Variants in CHST9 observed in about 807,000 individuals in gnomAD.
CHST9 encodes carbohydrate sulfotransferase 9, also known as GalNAc-4-sulfotransferase 2.
A neutral mutation model predicts 44.4 loss-of-function variants in CHST9; 41 were observed. That is an observed-to-expected ratio of 0.92 (90% confidence interval 0.72 to 1.20). The LOEUF is 1.20. CHST9 is among the 50% of genes most tolerant of loss of function. The pLI is 0.00. For missense variants in CHST9, 504 were observed against 516.5 expected, an observed-to-expected ratio of 0.98 and a Z score of 0.23; for synonymous variants, 171 against 178.4, an observed-to-expected ratio of 0.96 and a Z score of 0.33.
At chr18:27,172,726 A>G (rs779928242) in intron 1 of CHST9, among the ~76,000 whole-genome samples, 10 of 152,116 alleles carry the variant, frequency 6.6e-5, no homozygotes, top group Non-Finnish European at 1.3e-4. Flanking sequence ...CTTTTTCAGA[A>G]ACTCGAAACT....
At chr18:26,980,896 G>A (rs1196175924) in intron 4 of CHST9, among the ~76,000 whole-genome samples, 1 of 152,168 alleles carries the variant, frequency 6.6e-6, no homozygotes, top group Non-Finnish European at 1.5e-5. Flanking sequence ...CTAAATCCCA[G>A]TGCAGAAAGA....
intron 2 of CHST9, among the ~76,000 whole-genome samples, chr18:27,108,635 T>G (rs1462292127): frequency 6.6e-6 from 1 of 152,182 alleles, no homozygotes; most frequent in Non-Finnish European, 1.5e-5. Flanking sequence ...ACCATCCTAT[T>G]TCACTTTTTA....
At chr18:27,059,425 G>T (rs1158011521) in intron 2 of CHST9, among the ~76,000 whole-genome samples, 1 of 152,058 alleles carries the variant, frequency 6.6e-6, no homozygotes, top group Admixed American at 6.6e-5. Context: ...TACTTCTAAA[G>T]GATCAATTAG....
chr18:26,996,359 G>A (rs758257658), intron 4 of CHST9, among the ~76,000 whole-genome samples: 2 of 152,134 alleles, frequency 1.3e-5, no homozygotes, highest in Non-Finnish European at 2.9e-5. Flanking sequence ...AACGTTGGAG[G>A]TGGGGCCTGG....
Position 26,913,580 on chromosome 18 carries a change from C to T in CHST9, c.*2679G>A, listed in dbSNP as rs2055471540. 1 of 152,204 alleles carries T rather than the reference C, an allele frequency of 6.6e-6. No homozygotes were observed. The highest frequency in any genetic ancestry group is 2.4e-5 in the African/African-American group (1 of 41,452). The allele number at this position is 152,204 out of a possible 1,614,324, so 9.4% of individuals were successfully genotyped here. A position where few individuals can be genotyped will look rare whatever the true frequency, so the allele number is the denominator to read the frequency against. ...AAGGGGTCTGCCCATTGTGTTACTGCTGCCTATAAAAACAAATAGGATCCT... is the reference window on the plus strand; with the variant it reads ...AAGGGGTCTGCCCATTGTGTTACTGTTGCCTATAAAAACAAATAGGATCCT... On this transcript the variant is annotated 3_prime_UTR_variant, in exon 6 of 6. Transcript: ENST00000618847.
intron 5 of CHST9, among the ~76,000 whole-genome samples, chr18:26,929,772 T>G (rs2055842737): frequency 6.6e-6 from 1 of 151,038 alleles, no homozygotes; most frequent in South Asian, 2.1e-4. Flanking sequence ...GAGAGAGAGA[T>G]GAAGAGAGAA....
chr18:27,019,517 C>T (rs2057194810), intron 4 of CHST9, among the ~76,000 whole-genome samples: 1 of 151,786 alleles, frequency 6.6e-6, no homozygotes, highest in Non-Finnish European at 1.5e-5. Context: ...TCTTTCAGTT[C>T]CTGTAAATGG....
chr18:27,055,191 A>G (rs1282366154), intron 2 of CHST9, among the ~76,000 whole-genome samples: 1 of 152,208 alleles, frequency 6.6e-6, no homozygotes, highest in Non-Finnish European at 1.5e-5. Context: ...AAGAAGGCAT[A>G]GAATCATGAC....
At chr18:27,171,978 G>T (rs142699501) in intron 1 of CHST9, among the ~76,000 whole-genome samples, 16 of 152,250 alleles carry the variant, frequency 1.1e-4, no homozygotes, top group African/African-American at 3.1e-4. Context: ...AATGAAAAAT[G>T]GTTATGTACT....
chr18:27,017,297 G>T (rs756626559), intron 4 of CHST9, among the ~76,000 whole-genome samples: 25 of 152,104 alleles, frequency 1.6e-4, no homozygotes, highest in Non-Finnish European at 1.9e-4. Context: ...TTCACAAACA[G>T]ATCTGTGCAA....
At chr18:27,132,587 C>T (rs984734584) in intron 2 of CHST9, among the ~76,000 whole-genome samples, 2 of 152,274 alleles carry the variant, frequency 1.3e-5, no homozygotes, top group East Asian at 1.9e-4. Context: ...GTGAACAAGG[C>T]AATACCTTGG....
At position 26,974,098 on chromosome 18, in the gene CHST9, C is replaced by T. The variant is rs577659971; in HGVS notation, c.203-29732G>A. On this transcript the variant is annotated intron_variant, in intron 4 of 5. Transcript: ENST00000618847. ...TTGTGTTCCATCAATTCATGGCAGCCTCACACAATCTGAAGTATGGCATTT... is the reference window on the plus strand; with the variant it reads ...TTGTGTTCCATCAATTCATGGCAGCTTCACACAATCTGAAGTATGGCATTT... Among the ~76,000 whole-genome samples, 15 of 152,298 alleles carry T rather than the reference C, an allele frequency of 9.8e-5. No homozygotes were observed. The South Asian group carries it at 2.9e-3, about 29-fold the overall frequency.
At chr18:27,163,529 C>T (rs1567945479) in intron 1 of CHST9, among the ~76,000 whole-genome samples, 1 of 152,234 alleles carries the variant, frequency 6.6e-6, no homozygotes, top group Non-Finnish European at 1.5e-5. Flanking sequence ...GCCCCTCTCC[C>T]AGCCTCACTG....
chr18:27,160,050 C>T lies in CHST9; in HGVS notation c.-96-17145G>A, dbSNP rs552601036. On this transcript the variant is annotated intron_variant, in intron 1 of 5. Transcript: ENST00000618847. Reference sequence around the variant, plus strand: ...TTTCTAGGTATACAATCATGTCTTCCGCAAACAGGGACAATTTGACTTCCT... The same window carrying T: ...TTTCTAGGTATACAATCATGTCTTCTGCAAACAGGGACAATTTGACTTCCT... 6.0e-4 allele frequency among the ~76,000 whole-genome samples: 92 copies of T among 152,178 alleles called. 2 individuals carry two copies. The highest frequency in any genetic ancestry group is 2.0e-3 in the African/African-American group (81 of 41,512).
At chr18:27,012,839 G>A (rs893385063) in intron 4 of CHST9, among the ~76,000 whole-genome samples, 7 of 152,056 alleles carry the variant, frequency 4.6e-5, no homozygotes, top group African/African-American at 7.2e-5. Context: ...TTGGACATGC[G>A]GCTAAAAATT....
At position 26,912,454 on chromosome 18, in the gene CHST9, A is replaced by C. The variant is rs1196880083; in HGVS notation, c.*3805T>G. On this transcript the variant is annotated 3_prime_UTR_variant, in exon 6 of 6. Transcript: ENST00000618847. ...ATGGAAAAAATTTCAGGATTCCAAT[A>C]TATTGTTTTTGCCTCTACCTATCCT... 1 of 152,002 alleles carries C rather than the reference A, an allele frequency of 6.6e-6. No individual in the cohort carries two copies. Among genetic ancestry groups the C allele is most frequent in the Non-Finnish European group, 1.5e-5 (1 of 68,090 alleles). 9.4% of individuals were successfully genotyped at this position (152,002 alleles called of 1,614,324 possible).
intron 1 of CHST9, among the ~76,000 whole-genome samples, chr18:27,184,469 C>T (rs1017506313): frequency 6.6e-6 from 1 of 152,120 alleles, no homozygotes; most frequent in African/African-American, 2.4e-5. Context: ...ACAAACACAC[C>T]ATTCCTTCTC....
rs982025440 is a variant in CHST9, at chr18:26,909,285, A to T, written c.*6974T>A. 1 of 152,230 alleles carries T rather than the reference A, an allele frequency of 6.6e-6. No homozygotes were observed. Among genetic ancestry groups the T allele is most frequent in the Non-Finnish European group, 1.5e-5 (1 of 68,048 alleles). The allele number at this position is 152,230 out of a possible 1,614,324, so 9.4% of individuals were successfully genotyped here. A position where few individuals can be genotyped will look rare whatever the true frequency, so the allele number is the denominator to read the frequency against. On this transcript the variant is annotated 3_prime_UTR_variant, in exon 6 of 6. Transcript: ENST00000618847. ...AATGAAAAGAGCAGGTTGTATTATCATTTATAATCAACCAGGACTTAAAAA... is the reference window on the plus strand; with the variant it reads ...AATGAAAAGAGCAGGTTGTATTATCTTTTATAATCAACCAGGACTTAAAAA...
At chr18:27,162,463 T>C (rs1233761903) in intron 1 of CHST9, among the ~76,000 whole-genome samples, 2 of 152,224 alleles carry the variant, frequency 1.3e-5, no homozygotes, top group Non-Finnish European at 2.9e-5. Flanking sequence ...TTGTAGAGTT[T>C]CTGCCAAGAG....
Sources: gnomAD v4.1 joint callset for allele counts (sites outside exome capture counted in the v4.1 genomes callset) on GRCh38, gnomAD v4.1.1 for gene constraint, MANE v1.5 for transcripts, NCBI Gene and HGNC (gene_info 2026-07-23, HGNC 2026-07-21) for gene names.